DNM1: variants seen among roughly 807,000 people sequenced by gnomAD.
DNM1 encodes dynamin-1.
DNM1 carries 29 observed loss-of-function variants against 104.6 expected under a neutral mutation model. The ratio of observed to expected loss-of-function variants is 0.28; its 90% CI spans 0.21 to 0.38. DNM1 has a LOEUF of 0.38. Ranked by LOEUF, DNM1 falls within the 10% of genes least tolerant of loss-of-function variation. DNM1 has a pLI of 1.00. For missense variants in DNM1, 640 were observed against 1,189.4 expected (o/e 0.54, Z 6.79); for synonymous variants, 445 against 475.8 (o/e 0.94, Z 0.84).
In DNM1 at chr9:128,248,014, C is replaced by T; in HGVS notation, c.1905+79C>T. 2 of 1,580,336 alleles carry T rather than the reference C, an allele frequency of 1.3e-6. No individual in the cohort carries two copies. The highest frequency in any genetic ancestry group is 1.7e-6 in the Non-Finnish European group (2 of 1,149,546). ...TCCAGCCAGGTTTTCAAGCAAGGGA[C>T]CTGGAGATGTTCTTTTCTAATTTCT... On this transcript the variant is annotated intron_variant, in intron 18 of 21. Transcript: ENST00000372923. The surrounding 1 kb of genome is among the most constrained non-coding windows in gnomAD (Gnocchi z 5.6).
intron 1 of DNM1, among the ~76,000 whole-genome samples, chr9:128,205,923 G>A (rs144101486): frequency 1.1e-3 from 175 of 152,310 alleles, no homozygotes; most frequent in Middle Eastern, 6.8e-3. Flanking sequence ...GCCCTTGGCC[G>A]TTGTCCCCAC....
At chr9:128,252,916 A>C (rs1829615250) in intron 21 of DNM1, 1 of 695,218 alleles carries the variant, frequency 1.4e-6, no homozygotes, top group African/African-American at 1.7e-5. Context: ...GGGCACTGGG[A>C]GGTGGCGGGG....
At chr9:128,246,276 C>T (rs562333277) in intron 15 of DNM1, 118 bp from the exon 16 acceptor site, 552 of 738,522 alleles carry the variant, frequency 7.5e-4, no homozygotes, top group African/African-American at 2.3e-3. Context: ...GCTGCACCTT[C>T]GCAGTGGGAG....
intron 1 of DNM1, among the ~76,000 whole-genome samples, chr9:128,214,705 C>T (rs1834501995): frequency 6.6e-6 from 1 of 152,210 alleles, no homozygotes; most frequent in Non-Finnish European, 1.5e-5. Flanking sequence ...TTTGAAGGTG[C>T]CTCTGCAGAT....
Position 128,254,424 on chromosome 9 carries a change from GC to G in DNM1, c.2535-225del. The G allele has an allele frequency of 7.0e-7, 1 of 1,436,540 alleles. No homozygotes were observed. The highest frequency in any genetic ancestry group is 9.1e-7 in the Non-Finnish European group (1 of 1,102,490). 89.0% of individuals were successfully genotyped at this position (1,436,540 alleles called of 1,614,324 possible). ...GTGTGGGGTGGGGAGGGCCGCCACAGCCCCCAGGCGCTATCTGTGAAGCTAC... is the reference window on the plus strand; with the variant it reads ...GTGTGGGGTGGGGAGGGCCGCCACAGCCCCAGGCGCTATCTGTGAAGCTAC... On this transcript the variant is annotated intron_variant, in intron 21 of 21. Transcript: ENST00000372923. This position sits in a 1 kb window ranked among gnomAD's most constrained non-coding sequence, Gnocchi z 6.1.
At chr9:128,217,784 A>G (rs954416595) in intron 1 of DNM1, among the ~76,000 whole-genome samples, 2 of 152,082 alleles carry the variant, frequency 1.3e-5, no homozygotes, top group Non-Finnish European at 2.9e-5. Flanking sequence ...GAGCCTGGAG[A>G]AGGGGAAGTG....
At chr9:128,239,855 C>G in intron 13 of DNM1, 76 bp downstream of exon 13, 2 of 1,570,314 alleles carry the variant, frequency 1.3e-6, no homozygotes, top group Non-Finnish European at 1.8e-6. Flanking sequence ...GCCCCCTCCC[C>G]TGAGGGGAAG....
At chr9:128,217,764 T>C (rs1023159614) in intron 1 of DNM1, among the ~76,000 whole-genome samples, 9 of 152,104 alleles carry the variant, frequency 5.9e-5, no homozygotes, top group South Asian at 2.1e-4. Context: ...TCTTCAACCC[T>C]AGCCATATGG....
chr9:128,242,634 C>T (rs1438677844), intron 15 of DNM1, among the ~76,000 whole-genome samples: 1 of 152,126 alleles, frequency 6.6e-6, no homozygotes, highest in Non-Finnish European at 1.5e-5. Flanking sequence ...TTGGCGGGCG[C>T]CTGTAATCCC....
chr9:128,218,459 C>T lies in DNM1; in HGVS notation c.236-123C>T, dbSNP rs1234441849. 5.0e-6 allele frequency: 7 copies of T among 1,391,042 alleles called. No homozygotes were observed. In the Admixed American group the frequency reaches 1.2e-4, roughly 24 times the overall value. The allele number at this position is 1,391,042 out of a possible 1,614,324, so 86.2% of individuals were successfully genotyped here. On this transcript the variant is annotated intron_variant, in intron 2 of 21. Transcript: ENST00000372923. This position sits in a 1 kb window ranked among gnomAD's most constrained non-coding sequence, Gnocchi z 4.8. ...CGGGGATCAAAATACATAATGGAGA[C>T]GTGGGTGGTGGTTCTGCTTGGGTGT...
intron 21 of DNM1, 92 bp downstream of exon 21, chr9:128,251,032 G>T: frequency 3.6e-6 from 3 of 841,308 alleles, no homozygotes; most frequent in South Asian, 1.5e-5. Flanking sequence ...GGACCTGGCC[G>T]CCAGAACCGG....
rs765406396 is a variant in DNM1, at chr9:128,239,790, C to A, written c.1545+11C>A. 6.2e-7 allele frequency: 1 copy of A among 1,612,040 alleles called. No homozygotes were observed. The highest frequency in any genetic ancestry group is 8.5e-7 in the Non-Finnish European group (1 of 1,178,436). On this transcript the variant is annotated intron_variant, in intron 13 of 21. Coordinates refer to ENST00000372923, the MANE Select transcript of DNM1 (RefSeq NM_004408.4). ...ACTTCAGGGAACCAGGTGAGTGGGG[C>A]CCAGCACCCCAGCCCGAGGGATGGA...
In DNM1 at chr9:128,218,880, C is replaced by G; in HGVS notation, c.385+149C>G. 1 of 1,295,046 alleles carries G rather than the reference C, an allele frequency of 7.7e-7. No homozygotes were observed. Among genetic ancestry groups the G allele is most frequent in the African/African-American group, 1.5e-5 (1 of 68,034 alleles). The allele number at this position is 1,295,046 out of a possible 1,614,324, so 80.2% of individuals were successfully genotyped here. A position where few individuals can be genotyped will look rare whatever the true frequency, so the allele number is the denominator to read the frequency against. On this transcript the variant is annotated intron_variant, in intron 3 of 21. Coordinates refer to ENST00000372923, the MANE Select transcript of DNM1 (RefSeq NM_004408.4). This position sits in a 1 kb window ranked among gnomAD's most constrained non-coding sequence, Gnocchi z 4.8. ...AAGCTCCACCCTGCCGTGATTCCGC[C>G]CACTTCCGGCCACGCCTCCAACAGA...
chr9:128,225,086 T>C (rs1487868244), intron 10 of DNM1, among the ~76,000 whole-genome samples: 1 of 152,108 alleles, frequency 6.6e-6, no homozygotes, highest in Non-Finnish European at 1.5e-5. Context: ...GCACGAACAC[T>C]GAAGCTCCAG....
rs1347267180 is a variant in DNM1 at position 128,255,011 on chromosome 9, G to A, written c.*297G>A. 3.7e-6 allele frequency: 1 copy of A among 269,382 alleles called. No individual in the cohort carries two copies. Among genetic ancestry groups the A allele is most frequent in the East Asian group, 9.6e-5 (1 of 10,464 alleles). The allele number at this position is 269,382 out of a possible 1,614,324, so 16.7% of individuals were successfully genotyped here. ...AATCAGTCACTGTGCTATCCTTGTG[G>A]AGTCTTGTGGCCCAACTACCAGAGA... On this transcript the variant is annotated 3_prime_UTR_variant, in exon 22 of 22. Transcript: ENST00000372923.
chr9:128,254,573 G>T lies in DNM1; in HGVS notation c.2535-81G>T. The T allele has an allele frequency of 7.3e-7, 1 of 1,373,148 alleles. No homozygotes were observed. Among genetic ancestry groups the T allele is most frequent in the Non-Finnish European group, 9.6e-7 (1 of 1,037,554 alleles). 85.1% of individuals were successfully genotyped at this position (1,373,148 alleles called of 1,614,324 possible). On this transcript the variant is annotated intron_variant, in intron 21 of 21. Transcript: ENST00000372923. The surrounding 1 kb of genome is among the most constrained non-coding windows in gnomAD (Gnocchi z 6.1). ...CCACTGCTGCGGCGCGGCCGGCCCC[G>T]GCCGTGTGCTGCGCTTGCCTTACCA...
At chr9:128,246,158 C>A (rs1405062525) in intron 15 of DNM1, among the ~76,000 whole-genome samples, 1 of 152,162 alleles carries the variant, frequency 6.6e-6, no homozygotes. Flanking sequence ...CCTCCCCACC[C>A]CTCACCAGCC....
chr9:128,238,766 C>T (rs930509152), intron 11 of DNM1, among the ~76,000 whole-genome samples: 1 of 151,804 alleles, frequency 6.6e-6, no homozygotes, highest in Non-Finnish European at 1.5e-5. Context: ...CACCATTCTC[C>T]TGCCTCAGCC....
Position 128,255,127 on chromosome 9 carries a change from C to T in DNM1, c.*413C>T, listed in dbSNP as rs1829767814. The T allele has an allele frequency of 5.6e-6, 1 of 179,182 alleles. No homozygotes were observed. The highest frequency in any genetic ancestry group is 2.4e-5 in the African/African-American group (1 of 41,596). 11.1% of individuals were successfully genotyped at this position (179,182 alleles called of 1,614,324 possible). On this transcript the variant is annotated 3_prime_UTR_variant, in exon 22 of 22. Coordinates refer to ENST00000372923, the MANE Select transcript of DNM1 (RefSeq NM_004408.4). ...CCTGTGGACAGCCAGCCCCCGCCAT[C>T]CCTCCCACCCCCTACCAAGCATGGG...
Sources: gnomAD v4.1 joint callset for allele counts (sites outside exome capture counted in the v4.1 genomes callset) on GRCh38, gnomAD v4.1.1 for gene constraint, Gnocchi (gnomAD v3.1) non-coding constraint, MANE v1.5 for transcripts, NCBI Gene and HGNC (gene_info 2026-07-23, HGNC 2026-07-21) for gene names.